The following PLAC1 variants were observed in gnomAD, a reference collection of about 807,000 sequenced individuals.
PLAC1 encodes the protein placenta associated 1.
For missense variants in PLAC1, 136 were observed against 163.2 expected (o/e 0.83, Z 0.91); for synonymous variants, 68 against 62.1 (o/e 1.09, Z -0.44).
At position 134,616,662 on chromosome X, in the gene PLAC1, A is replaced by C. The variant is rs774877696; in HGVS notation, c.-130-14540T>G. Among the ~76,000 whole-genome samples, 21 of 111,321 alleles carry C rather than the reference A, an allele frequency of 1.9e-4. No individual in the cohort carries two copies. The South Asian group carries it at 8.0e-3, about 43-fold the overall frequency. On this transcript the variant is annotated intron_variant, in intron 1 of 2. Coordinates refer to ENST00000359237, the MANE Select transcript of PLAC1 (RefSeq NM_021796.4). ...AAACAAAAAAAACAAAACAACAAAA[A>C]AAAATTGCTTCAGCTATCTGGGGTC... is the stretch of plus-strand genomic sequence containing the variant.
chrX:134,577,080 T>G (rs184427599), intron 2 of PLAC1, among the ~76,000 whole-genome samples: 1 of 112,114 alleles, frequency 8.9e-6, no homozygotes, highest in African/African-American at 3.2e-5. Context: ...CTGTGTTTTG[T>G]TACAATCTTA....
upstream of PLAC1, among the ~76,000 whole-genome samples, chrX:134,663,311 G>A (rs1365410357): frequency 8.9e-6 from 1 of 112,990 alleles, no homozygotes; most frequent in Non-Finnish European, 1.9e-5. Context: ...GGATACAAGA[G>A]TTAGGTAAAA....
intron 2 of PLAC1, among the ~76,000 whole-genome samples, chrX:134,669,022 C>T (rs2078446194): frequency 8.9e-6 from 1 of 112,606 alleles, no homozygotes; most frequent in Non-Finnish European, 1.9e-5. Flanking sequence ...CGGCATTGTT[C>T]TGGCCTTTGT....
intron 2 of PLAC1, among the ~76,000 whole-genome samples, chrX:134,585,105 G>A (rs1334061038): frequency 9.4e-6 from 1 of 106,013 alleles, no homozygotes; most frequent in Admixed American, 1.0e-4. Context: ...GCTGAAGCGG[G>A]CGGATCACGA....
At chrX:134,649,793 G>A (rs1376155403) in intron 1 of PLAC1, among the ~76,000 whole-genome samples, 2 of 112,100 alleles carry the variant, frequency 1.8e-5, no homozygotes, top group African/African-American at 3.2e-5. Context: ...TAACCCAAAC[G>A]ATGGCGCTTT....
intron 2 of PLAC1, among the ~76,000 whole-genome samples, chrX:134,689,755 G>C (rs769160148): frequency 7.1e-5 from 8 of 112,126 alleles, no homozygotes; most frequent in Non-Finnish European, 1.1e-4. Flanking sequence ...TCAAACACCA[G>C]TCACTTGCAC....
At chrX:134,752,368 A>G (rs1356179896) in intron 1 of PLAC1, among the ~76,000 whole-genome samples, 4 of 111,972 alleles carry the variant, frequency 3.6e-5, no homozygotes. Context: ...ATATCATGCA[A>G]TAAGCCTGCA....
At chrX:134,674,048 T>C (rs781616767) in intron 2 of PLAC1, among the ~76,000 whole-genome samples, 13 of 112,597 alleles carry the variant, frequency 1.2e-4, no homozygotes, top group Non-Finnish European at 2.1e-4. Context: ...ATGATCACAA[T>C]TCCCTACGGA....
intron 2 of PLAC1, among the ~76,000 whole-genome samples, chrX:134,724,926 T>G (rs1402903025): frequency 9.2e-6 from 1 of 108,742 alleles, no homozygotes; most frequent in Non-Finnish European, 1.9e-5. Context: ...CGCTGGAGCC[T>G]GGAAGGCCGA....
chrX:134,596,952 T>C (rs1318855934), intron 2 of PLAC1, among the ~76,000 whole-genome samples: 1 of 111,401 alleles, frequency 9.0e-6, no homozygotes, highest in Non-Finnish European at 1.9e-5. Flanking sequence ...TCTTTAGTTT[T>C]CAGAAGTTTG....
chrX:134,653,271 T>C (rs1362952016), intron 1 of PLAC1, among the ~76,000 whole-genome samples: 1 of 111,885 alleles, frequency 8.9e-6, no homozygotes, highest in Non-Finnish European at 1.9e-5. Context: ...TTGACACCCT[T>C]CCCTCTCCTA....
chrX:134,661,823 G>A (rs899695005), upstream of PLAC1, among the ~76,000 whole-genome samples: 1 of 112,033 alleles, frequency 8.9e-6, no homozygotes, highest in African/African-American at 3.2e-5. Context: ...AATTTGTTAT[G>A]GTCACAATGG....
At chrX:134,664,334 T>C (rs895157950) in intron 2 of PLAC1, among the ~76,000 whole-genome samples, 2 of 112,211 alleles carry the variant, frequency 1.8e-5, no homozygotes, top group Non-Finnish European at 3.8e-5. Flanking sequence ...GCCCCAGTTT[T>C]TTACATGCCT....
At chrX:134,649,400 T>G (rs187819636) in intron 1 of PLAC1, among the ~76,000 whole-genome samples, 223 of 111,731 alleles carry the variant, frequency 2.0e-3, no homozygotes, top group Non-Finnish European at 3.6e-3. Flanking sequence ...AAATACGCTA[T>G]GATGCCTTGC....
At chrX:134,590,065 C>G (rs550749454) in intron 2 of PLAC1, among the ~76,000 whole-genome samples, 6 of 109,663 alleles carry the variant, frequency 5.5e-5, no homozygotes, top group South Asian at 7.9e-4. Flanking sequence ...CGTGGTGGTA[C>G]GTGCCTGTAG....
chrX:134,678,474 C>T (rs773473221), intron 2 of PLAC1, among the ~76,000 whole-genome samples: 1 of 111,903 alleles, frequency 8.9e-6, no homozygotes, highest in East Asian at 2.8e-4. Context: ...TCACCTCTTC[C>T]AAGAGGATTT....
chrX:134,665,195 A>G (rs911567654), intron 2 of PLAC1, among the ~76,000 whole-genome samples: 2 of 110,798 alleles, frequency 1.8e-5, no homozygotes, highest in African/African-American at 6.6e-5. Context: ...GAACATTTCC[A>G]GCTTCTTAGA....
chrX:134,683,651 T>A (rs897114575), intron 2 of PLAC1, among the ~76,000 whole-genome samples: 4 of 112,070 alleles, frequency 3.6e-5, no homozygotes, highest in Non-Finnish European at 5.6e-5. Flanking sequence ...CAGAGTGTTG[T>A]CCCTGACACT....
intron 1 of PLAC1, chrX:134,651,427 TA>T: frequency 6.7e-6 from 1 of 150,360 alleles, no homozygotes; most frequent in Non-Finnish European, 1.3e-5. Context: ...AATGACTAAA[TA>T]AGGTATATTC....
Sources: allele counts gnomAD v4.1 joint callset (sites outside exome capture counted in the v4.1 genomes callset), GRCh38; gene constraint gnomAD v4.1.1; transcripts MANE v1.5; gene names NCBI Gene and HGNC (gene_info 2026-07-23, HGNC 2026-07-21).